The following RNPC3 variants were observed in gnomAD, a reference collection of about 807,000 sequenced individuals.
RNPC3 encodes the protein RNA binding region (RNP1, RRM) containing 3.
In RNPC3, 48 loss-of-function variants were observed where a neutral mutation model predicts 67.5. That is an observed-to-expected ratio of 0.71 (90% CI 0.56 to 0.90). The LOEUF is 0.90. RNPC3 is among the 40% of genes least tolerant of loss of function. The probability of loss-of-function intolerance (pLI) is 0.00; values close to 1 mark genes in which losing one functional copy is unlikely to be tolerated. For synonymous variants in RNPC3, 239 were observed against 210.3 expected (o/e 1.14, Z -1.18); for missense variants, 637 against 626.1 (o/e 1.02, Z -0.19).
intron 2 of RNPC3, among the ~76,000 whole-genome samples, chr1:103,531,435 A>G (rs754656769): frequency 1.3e-5 from 2 of 152,174 alleles, no homozygotes; most frequent in Non-Finnish European, 2.9e-5. Context: ...ACTATTTTTC[A>G]TACTTACTGT....
At chr1:103,539,399 AT>A (rs2101047291) in intron 7 of RNPC3, among the ~76,000 whole-genome samples, 1 of 152,362 alleles carries the variant, frequency 6.6e-6, no homozygotes, top group African/African-American at 2.4e-5. Context: ...ATGGGAGTGA[AT>A]ACACTATCTG....
intron 13 of RNPC3, 77 bp from the exon 14 acceptor site, chr1:103,551,644 A>G: frequency 1.1e-6 from 1 of 924,404 alleles, no homozygotes; most frequent in Non-Finnish European, 1.6e-6. Context: ...CCCACCATAC[A>G]CTAGAAAGTT....
At chr1:103,544,444 A>G (rs533254907) in intron 9 of RNPC3, among the ~76,000 whole-genome samples, 1 of 151,974 alleles carries the variant, frequency 6.6e-6, no homozygotes, top group East Asian at 1.9e-4. Flanking sequence ...AGCCCTTAAT[A>G]TAATTTTGTC....
chr1:103,529,268 GAAA>G (rs981637961), intron 2 of RNPC3, among the ~76,000 whole-genome samples: 1 of 151,538 alleles, frequency 6.6e-6, no homozygotes, highest in African/African-American at 2.4e-5. Flanking sequence ...TTTTTTTTCA[GAAA>G]AAAAGTATTT....
Position 103,526,115 on chromosome 1 carries a change from G to C in RNPC3, c.45G>C (p.Thr15=), listed in dbSNP as rs1376512410. 1 of 1,550,842 alleles carries C rather than the reference G, an allele frequency of 6.4e-7. No homozygotes were observed. Among genetic ancestry groups the C allele is most frequent in the Non-Finnish European group, 8.7e-7 (1 of 1,146,504 alleles). The change falls in exon 1 of 15, where the codon ACG becomes ACC. Residue 15 remains threonine, a synonymous_variant. Transcript: ENST00000423855. ...CGCTTGCGATATCAAGGGGATGCACGAGCTCCTCCTCGCTTTCCCCGCCTC... is the reference window on the plus strand; with the variant it reads ...CGCTTGCGATATCAAGGGGATGCACCAGCTCCTCCTCGCTTTCCCCGCCTC... ...EQPLAISRGC[T]SSSSLSPPRG...
chr1:103,538,017 G>A (rs1015074848), intron 7 of RNPC3, among the ~76,000 whole-genome samples: 1 of 151,726 alleles, frequency 6.6e-6, no homozygotes, highest in African/African-American at 2.4e-5. Context: ...ATAAATTTTT[G>A]TATTTTTGGT....
intron 8 of RNPC3, 148 bp from the exon 9 acceptor site, chr1:103,543,148 G>A (rs1489481436): frequency 1.4e-5 from 7 of 491,860 alleles, no homozygotes; most frequent in South Asian, 5.4e-5. Flanking sequence ...AAACTAATAA[G>A]TCTAAGTCAC....
Position 103,545,053 on chromosome 1 carries a change from A to G in RNPC3, c.1158A>G (p.Ser386=), listed in dbSNP as rs1651211268. ...AAGAAGACTCTGATGAAATGCCTTC[A>G]GAATGTATTTCTAGAAGGGAATTGG... The part of the protein sequence containing the change: ...EIKEDSDEMP[S]ECISRRELEK... The change falls in exon 10 of 15, where the codon TCA becomes TCG. Residue 386 remains serine, a synonymous_variant. Transcript: ENST00000423855. 1 of 1,534,300 alleles carries G rather than the reference A, an allele frequency of 6.5e-7. No homozygotes were observed. Among genetic ancestry groups the G allele is most frequent in the Non-Finnish European group, 8.7e-7 (1 of 1,145,112 alleles).
In RNPC3 at chr1:103,534,838, G is replaced by A; in HGVS notation, c.424G>A (p.Gly142Arg). The change falls in exon 4 of 15, where the codon GGA (glycine) becomes AGA (arginine). Residue 142 changes from glycine (G) to arginine (R), a missense_variant. By Grantham distance (125) the Gly-to-Arg change is moderately radical (BLOSUM62 -2). Transcript: ENST00000423855. ...ACTTGGTTATTTAACAGTAGAAAATGGAATTGCACCAAACCATGGGTTAGC... is the reference window on the plus strand; with the variant it reads ...ACTTGGTTATTTAACAGTAGAAAATAGAATTGCACCAAACCATGGGTTAGC... ...KELGYLTVEN[G>R]IAPNHGLTFP... 1.3e-6 allele frequency: 2 copies of A among 1,531,276 alleles called. No individual in the cohort carries two copies. Among genetic ancestry groups the A allele is most frequent in the Non-Finnish European group, 1.7e-6 (2 of 1,143,552 alleles). 94.9% of individuals were successfully genotyped at this position (1,531,276 alleles called of 1,614,324 possible).
chr1:103,534,822 T>C lies in RNPC3; in HGVS notation c.408T>C (p.Tyr136=). Residue 136 remains tyrosine, a synonymous_variant, in exon 4 of 15, where the codon TAT becomes TAC. Transcript: ENST00000423855. ...ATAAAGAAAAAAAAGAACTTGGTTA[T>C]TTAACAGTAGAAAATGGAATTGCAC... ...EDDKEKKELG[Y]LTVENGIAPN... The C allele has an allele frequency of 2.6e-6, 4 of 1,532,876 alleles. No homozygotes were observed. Among genetic ancestry groups the C allele is most frequent in the Non-Finnish European group, 3.5e-6 (4 of 1,144,884 alleles). 95.0% of individuals were successfully genotyped at this position (1,532,876 alleles called of 1,614,324 possible). A position where few individuals can be genotyped will look rare whatever the true frequency, so the allele number is the denominator to read the frequency against.
Position 103,526,132 on chromosome 1 carries a change from C to G in RNPC3, c.62C>G (p.Ser21Cys). The change falls in exon 1 of 15, where the codon TCC (serine) becomes TGC (cysteine). Residue 21 changes from serine (S) to cysteine (C), a missense_variant. Physicochemically the swap from Ser to Cys is moderately radical, Grantham distance 112. Transcript: ENST00000423855. ...SRGCTSSSSLSPPRGDRTLLV... is the reference protein window; with the variant it reads ...SRGCTSSSSLCPPRGDRTLLV... Reference sequence around the variant, plus strand: ...GGATGCACGAGCTCCTCCTCGCTTTCCCCGCCTCGGGGCGACCGAACCCTT... The same window carrying G: ...GGATGCACGAGCTCCTCCTCGCTTTGCCCGCCTCGGGGCGACCGAACCCTT... 1.9e-6 allele frequency: 3 copies of G among 1,551,258 alleles called. No homozygotes were observed. The highest frequency in any genetic ancestry group is 2.6e-6 in the Non-Finnish European group (3 of 1,146,734).
At chr1:103,540,270 T>G (rs1416713436) in intron 7 of RNPC3, among the ~76,000 whole-genome samples, 2 of 152,214 alleles carry the variant, frequency 1.3e-5, no homozygotes, top group African/African-American at 4.8e-5. Flanking sequence ...GTGTATAAGT[T>G]GTATATGAAA....
Position 103,545,029 on chromosome 1 carries a change from A to G in RNPC3, c.1134A>G (p.Lys378=). 2.0e-6 allele frequency: 3 copies of G among 1,535,054 alleles called. 1 individual carries two copies. In the South Asian group the frequency reaches 3.6e-5, roughly 18 times the overall value. Residue 378 remains lysine, a synonymous_variant, in exon 10 of 15, where the codon AAA becomes AAG. Coordinates refer to ENST00000423855, the MANE Select transcript of RNPC3 (RefSeq NM_017619.4). ...ATTTGGACATCACAGAGGAGATTAA[A>G]GAAGACTCTGATGAAATGCCTTCAG... ...KPNLDITEEI[K]EDSDEMPSEC... is the part of the protein sequence containing the mutation.
rs1245664122 is a variant in RNPC3, at chr1:103,526,270, C to T, written c.192+8C>T. On this transcript the variant is annotated splice_region_variant and intron_variant, in intron 1 of 14. Transcript: ENST00000423855. ...TCAGATAAGGGGCGACTGGTAAGGG[C>T]GCGCCCCTCCGGAGTCTCCCGGGAA... 1.3e-6 allele frequency: 2 copies of T among 1,525,550 alleles called. No homozygotes were observed. Among genetic ancestry groups the T allele is most frequent in the African/African-American group, 1.4e-5 (1 of 72,280 alleles). 94.5% of individuals were successfully genotyped at this position (1,525,550 alleles called of 1,614,324 possible). A position where few individuals can be genotyped will look rare whatever the true frequency, so the allele number is the denominator to read the frequency against.
At chr1:103,531,569 A>G (rs1650858269) in intron 2 of RNPC3, among the ~76,000 whole-genome samples, 1 of 151,876 alleles carries the variant, frequency 6.6e-6, no homozygotes, top group African/African-American at 2.4e-5. Context: ...TTGCCTCATG[A>G]TTTTGGTTTG....
At chr1:103,537,225 A>T in intron 6 of RNPC3, 117 bp from the exon 7 acceptor site, 1 of 720,324 alleles carries the variant, frequency 1.4e-6, no homozygotes. Flanking sequence ...TATGTGTAGA[A>T]TGTGTTAAAA....
rs777979865 is a variant in RNPC3, at chr1:103,539,791, ACT to A, written c.768-1556_768-1555del. ...AAATCTGAAATCCAAAATGCTTCAG[ACT>A]CTGTAATTTTTTGAGTACCAGTATG... On this transcript the variant is annotated intron_variant, in intron 7 of 14. Coordinates refer to ENST00000423855, the MANE Select transcript of RNPC3 (RefSeq NM_017619.4). Among the ~76,000 whole-genome samples the A allele has an allele frequency of 1.2e-4, 18 of 152,028 alleles. 1 individual carries two copies. The East Asian group carries it at 3.5e-3, about 29-fold the overall frequency.
intron 2 of RNPC3, among the ~76,000 whole-genome samples, chr1:103,531,244 A>G (rs1382913175): frequency 6.6e-6 from 1 of 152,004 alleles, no homozygotes; most frequent in Non-Finnish European, 1.5e-5. Context: ...TTATCCACTC[A>G]TTGATTGATG....
chr1:103,540,219 A>G (rs776908146), intron 7 of RNPC3, among the ~76,000 whole-genome samples: 2 of 152,204 alleles, frequency 1.3e-5, no homozygotes, highest in African/African-American at 4.8e-5. Context: ...TTCATGTACA[A>G]AATTATTAAG....
Sources: allele counts gnomAD v4.1 joint callset (sites outside exome capture counted in the v4.1 genomes callset), GRCh38; gene constraint gnomAD v4.1.1; transcripts MANE v1.5; gene names NCBI Gene and HGNC (gene_info 2026-07-23, HGNC 2026-07-21).